The following KCNN3 variants were observed in gnomAD, a reference collection of about 807,000 sequenced individuals.
KCNN3 encodes the protein potassium calcium-activated channel subfamily N member 3.
KCNN3 carries 16 observed loss-of-function variants against 62.9 expected under a neutral mutation model. That is an observed-to-expected ratio of 0.25 (90% confidence interval 0.17 to 0.39). The LOEUF (loss-of-function observed/expected upper bound fraction) is 0.39. Among genes scored for constraint, KCNN3 ranks in the 10% least tolerant of loss-of-function variants. The pLI is 1.00. For missense variants in KCNN3, 599 were observed against 949.4 expected, an observed-to-expected ratio of 0.63 and a Z score of 4.85; for synonymous variants, 370 against 389.2, an observed-to-expected ratio of 0.95 and a Z score of 0.58.
chr1:154,865,203 TAAAG>T (rs1239311469), intron 1 of KCNN3, among the ~76,000 whole-genome samples: 1 of 151,644 alleles, frequency 6.6e-6, no homozygotes, highest in African/African-American at 2.4e-5. Context: ...TAAAAGAAAA[TAAAG>T]AACACTAAGA....
chr1:154,713,727 C>T (rs930996611), intron 6 of KCNN3, among the ~76,000 whole-genome samples, 194 bp from the exon 7 acceptor site: 3 of 152,134 alleles, frequency 2.0e-5, no homozygotes, highest in South Asian at 2.1e-4. Flanking sequence ...CTTGTCTCCA[C>T]GCATGCTCAC....
intron 2 of KCNN3, among the ~76,000 whole-genome samples, chr1:154,773,450 T>C (rs1427724144): frequency 1.3e-5 from 2 of 152,254 alleles, no homozygotes; most frequent in Non-Finnish European, 2.9e-5. Context: ...TGGGAATCCC[T>C]GATTTATAGC....
chr1:154,722,568 T>C (rs1474614979), intron 5 of KCNN3, among the ~76,000 whole-genome samples: 1 of 151,246 alleles, frequency 6.6e-6, no homozygotes, highest in Admixed American at 6.6e-5. Context: ...TTTTGGATTT[T>C]TTTTTAGTAG....
rs887006233 is a variant in KCNN3 at position 154,812,614 on chromosome 1, G to A, written c.1029+9475C>T. Among the ~76,000 whole-genome samples, 6 of 152,306 alleles carry A rather than the reference G, an allele frequency of 3.9e-5. No individual in the cohort carries two copies. In the East Asian group the frequency reaches 5.8e-4, roughly 15 times the overall value. ...TGACTTTGGAGAAGTGGGAGTGCGCGTTCATGGAAGGAGTTTGGAATGGAT... is the reference window on the plus strand; with the variant it reads ...TGACTTTGGAGAAGTGGGAGTGCGCATTCATGGAAGGAGTTTGGAATGGAT... On this transcript the variant is annotated intron_variant, in intron 2 of 7. Transcript: ENST00000271915.
At chr1:154,860,362 C>T (rs1431142319) in intron 1 of KCNN3, among the ~76,000 whole-genome samples, 1 of 152,234 alleles carries the variant, frequency 6.6e-6, no homozygotes, top group Non-Finnish European at 1.5e-5. Context: ...TCCCCCTGAC[C>T]TTCCTCCAGG....
At chr1:154,717,911 C>T (rs1425219172) in intron 5 of KCNN3, among the ~76,000 whole-genome samples, 1 of 152,186 alleles carries the variant, frequency 6.6e-6, no homozygotes, top group Non-Finnish European at 1.5e-5. Flanking sequence ...TCCAGTTCAC[C>T]TGGCTGATTG....
At chr1:154,710,496 C>G (rs1189047421) in intron 7 of KCNN3, among the ~76,000 whole-genome samples, 1 of 152,198 alleles carries the variant, frequency 6.6e-6, no homozygotes, top group Non-Finnish European at 1.5e-5. Flanking sequence ...CTCTTTCTTT[C>G]CAGGTAACTT....
chr1:154,840,695 T>A (rs1651788734), intron 1 of KCNN3, among the ~76,000 whole-genome samples: 1 of 152,222 alleles, frequency 6.6e-6, no homozygotes, highest in Non-Finnish European at 1.5e-5. Flanking sequence ...AGCCATTTCC[T>A]TCCTGTCAGC....
At chr1:154,746,021 C>T (rs1700928876) in intron 3 of KCNN3, among the ~76,000 whole-genome samples, 1 of 152,162 alleles carries the variant, frequency 6.6e-6, no homozygotes, top group Non-Finnish European at 1.5e-5. Flanking sequence ...TCTTGGGCTT[C>T]ACTTCTGTAA....
At chr1:154,849,934 G>A (rs1652236974) in intron 1 of KCNN3, among the ~76,000 whole-genome samples, 1 of 152,122 alleles carries the variant, frequency 6.6e-6, no homozygotes, top group Non-Finnish European at 1.5e-5. Flanking sequence ...AAAGTCCCCT[G>A]AGGAGCAAAA....
chr1:154,761,579 T>C (rs76379300), intron 3 of KCNN3, among the ~76,000 whole-genome samples: 1,904 of 152,334 alleles, frequency 0.012, 48 homozygotes, highest in African/African-American at 0.044. Flanking sequence ...CATAATGCTA[T>C]TTTGTACGCT....
intron 1 of KCNN3, among the ~76,000 whole-genome samples, chr1:154,853,153 C>CTT (rs869302885): frequency 0.023 from 3,300 of 145,402 alleles, 121 homozygotes; most frequent in African/African-American, 0.078. Flanking sequence ...ATGTACTCAG[C>CTT]TTTTTTTTTT....
At chr1:154,729,528 C>T (rs1345737003) in intron 4 of KCNN3, among the ~76,000 whole-genome samples, 1 of 152,106 alleles carries the variant, frequency 6.6e-6, no homozygotes, top group Non-Finnish European at 1.5e-5. Flanking sequence ...GAAACATTTT[C>T]CAGCTGGAAA....
intron 2 of KCNN3, among the ~76,000 whole-genome samples, chr1:154,787,626 G>A (rs538046375): frequency 6.6e-6 from 1 of 152,302 alleles, no homozygotes; most frequent in Admixed American, 6.5e-5. Flanking sequence ...AATGCCCACA[G>A]GTACTGCCCT....
intron 5 of KCNN3, among the ~76,000 whole-genome samples, chr1:154,722,513 G>A (rs762819435): frequency 1.3e-5 from 2 of 149,860 alleles, no homozygotes; most frequent in Admixed American, 6.7e-5. Flanking sequence ...TCAGTCTCCC[G>A]AGTACCTGGG....
At chr1:154,825,167 C>T (rs1651053437) in intron 1 of KCNN3, among the ~76,000 whole-genome samples, 1 of 152,114 alleles carries the variant, frequency 6.6e-6, no homozygotes, top group Non-Finnish European at 1.5e-5. Flanking sequence ...TGCCATACAT[C>T]CCAGGATAGG....
chr1:154,781,327 C>G (rs1557972971), intron 2 of KCNN3, among the ~76,000 whole-genome samples: 1 of 152,206 alleles, frequency 6.6e-6, no homozygotes. Context: ...CCACCTCTGG[C>G]CATCTGTGTG....
rs1257788771 is a variant in KCNN3 at position 154,869,460 on chromosome 1, G to C, written c.505C>G (p.Pro169Ala). 1.3e-5 allele frequency: 21 copies of C among 1,614,018 alleles called. No homozygotes were observed. Among genetic ancestry groups the C allele is most frequent in the Admixed American group, 3.3e-5 (2 of 60,004 alleles). Residue 169 changes from proline to alanine, a missense_variant, in exon 1 of 8, where the codon CCC becomes GCC. Pro to Ala is a conservative substitution (Grantham distance 27). This residue lies in a region of KCNN3 where 112 missense variants were observed against 142.9 expected (regional missense o/e 0.78). Transcript: ENST00000271915. This position sits in a 1 kb window ranked among gnomAD's most constrained non-coding sequence, Gnocchi z 6.1. ...GAGCTCATGGCGATCTCCGTGAAGGGGTTGCTGTCCCGCCGGTGCACCAGG... is the reference window on the plus strand; with the variant it reads ...GAGCTCATGGCGATCTCCGTGAAGGCGTTGCTGTCCCGCCGGTGCACCAGG... Reference protein sequence around the residue: ...SPLVHRRDSNPFTEIAMSSCK... With the variant: ...SPLVHRRDSNAFTEIAMSSCK...
intron 2 of KCNN3, among the ~76,000 whole-genome samples, chr1:154,813,208 CTTTTTTT>C (rs57970335): frequency 4.5e-5 from 4 of 88,330 alleles, no homozygotes; most frequent in African/African-American, 1.2e-4. Flanking sequence ...TGTTAGGCTG[CTTTTTTT>C]TTTTTTTTTT....
Sources: gnomAD v4.1 joint callset for allele counts (sites outside exome capture counted in the v4.1 genomes callset) on GRCh38, gnomAD v4.1.1 for gene constraint, gnomAD v4.1.1 regional missense constraint, Gnocchi (gnomAD v3.1) non-coding constraint, MANE v1.5 for transcripts, NCBI Gene and HGNC (gene_info 2026-07-23, HGNC 2026-07-21) for gene names.